DTWD2: variants seen among roughly 807,000 people sequenced by gnomAD.
DTWD2 encodes tRNA-uridine aminocarboxypropyltransferase 2.
In DTWD2, 39 loss-of-function variants were observed where a neutral mutation model predicts 31.8. That is an observed-to-expected ratio of 1.22 (90% CI 0.95 to 1.60). DTWD2 has a LOEUF of 1.60. Among genes scored for constraint, DTWD2 ranks in the 40% most tolerant of loss-of-function variants. The probability of loss-of-function intolerance (pLI) is 0.00; values close to 1 mark genes in which losing one functional copy is unlikely to be tolerated. For missense variants in DTWD2, 515 were observed against 381.5 expected, an observed-to-expected ratio of 1.35 and a Z score of -2.92; for synonymous variants, 180 against 142.8, an observed-to-expected ratio of 1.26 and a Z score of -1.86.
In DTWD2 at chr5:118,837,188, TGAAGA is replaced by T. The variant is rs956147217; in HGVS notation, c.*3724_*3728del. On this transcript the variant is annotated 3_prime_UTR_variant, in exon 6 of 6. Transcript: ENST00000510708. Reference sequence around the variant, plus strand: ...GACCCTGGGAAGGAGGAAGAAAGTGTGAAGAGAAAAGAGAGAGAATATGCTTTAAG... The same window carrying T: ...GACCCTGGGAAGGAGGAAGAAAGTGTGAAAAGAGAGAGAATATGCTTTAAG... The T allele has an allele frequency of 2.0e-5, 3 of 152,022 alleles. No homozygotes were observed. The highest frequency in any genetic ancestry group is 2.9e-5 in the Non-Finnish European group (2 of 68,000). The allele number at this position is 152,022 out of a possible 1,614,324, so 9.4% of individuals were successfully genotyped here.
intron 4 of DTWD2, among the ~76,000 whole-genome samples, chr5:118,901,342 A>G (rs987374063): frequency 1.3e-5 from 2 of 152,208 alleles, no homozygotes; most frequent in African/African-American, 4.8e-5. Context: ...AACAAACATA[A>G]TAAAAACAAT....
intron 4 of DTWD2, among the ~76,000 whole-genome samples, chr5:118,867,599 G>C (rs559123745): frequency 6.6e-6 from 1 of 152,150 alleles, no homozygotes; most frequent in Non-Finnish European, 1.5e-5. Context: ...TATTATGGAA[G>C]CATCTCAAAA....
At chr5:118,848,655 A>G (rs1751923519) in intron 4 of DTWD2, among the ~76,000 whole-genome samples, 1 of 152,228 alleles carries the variant, frequency 6.6e-6, no homozygotes, top group Non-Finnish European at 1.5e-5. Flanking sequence ...CCAAAATAGC[A>G]AGGTACTGGT....
chr5:118,852,555 G>C (rs554077849), intron 4 of DTWD2, among the ~76,000 whole-genome samples: 2 of 152,246 alleles, frequency 1.3e-5, no homozygotes, highest in African/African-American at 4.8e-5. Flanking sequence ...TTATTAAAAA[G>C]TCAAAAAATA....
chr5:118,865,045 A>G (rs1448223077), intron 4 of DTWD2, among the ~76,000 whole-genome samples: 4 of 152,144 alleles, frequency 2.6e-5, no homozygotes, highest in Non-Finnish European at 1.5e-5. Context: ...ACACACACAG[A>G]GCATATAATG....
At chr5:118,978,684 C>A (rs1201941239) in intron 1 of DTWD2, among the ~76,000 whole-genome samples, 1 of 152,216 alleles carries the variant, frequency 6.6e-6, no homozygotes, top group Non-Finnish European at 1.5e-5. Flanking sequence ...GATACCATCT[C>A]ATGCCAGTCA....
chr5:118,941,142 G>C (rs1754188122), intron 2 of DTWD2, among the ~76,000 whole-genome samples: 1 of 151,954 alleles, frequency 6.6e-6, no homozygotes, highest in African/African-American at 2.4e-5. Flanking sequence ...CTATGGGAGA[G>C]TCAAAAACTA....
intron 1 of DTWD2, among the ~76,000 whole-genome samples, chr5:118,986,923 A>C (rs1041904590): frequency 6.6e-6 from 1 of 152,242 alleles, no homozygotes; most frequent in African/African-American, 2.4e-5. Context: ...ATGTTGGGGA[A>C]AATTGTAATC....
At chr5:118,946,832 C>T (rs1039369852) in intron 1 of DTWD2, among the ~76,000 whole-genome samples, 1 of 152,118 alleles carries the variant, frequency 6.6e-6, no homozygotes, top group Non-Finnish European at 1.5e-5. Flanking sequence ...CCTCTGCCTC[C>T]CGGATTCAAT....
intron 1 of DTWD2, among the ~76,000 whole-genome samples, chr5:118,983,875 C>G (rs1036967217): frequency 3.3e-5 from 5 of 152,186 alleles, no homozygotes; most frequent in African/African-American, 1.2e-4. Flanking sequence ...AGTAGCTGGG[C>G]GCGGTGGCTC....
Position 118,840,682 on chromosome 5 carries a change from T to C in DTWD2, c.*235A>G. ...TTAAATTTGGGTTTGAAAACATGTA[T>C]TAGAGGCACATTTTTAAAAACAAGT... On this transcript the variant is annotated 3_prime_UTR_variant, in exon 6 of 6. Coordinates refer to ENST00000510708, the MANE Select transcript of DTWD2 (RefSeq NM_173666.4). 1 of 328,690 alleles carries C rather than the reference T, an allele frequency of 3.0e-6. No individual in the cohort carries two copies. The highest frequency in any genetic ancestry group is 4.9e-5 in the Admixed American group (1 of 20,442). 20.4% of individuals were successfully genotyped at this position (328,690 alleles called of 1,614,324 possible). A position where few individuals can be genotyped will look rare whatever the true frequency, so the allele number is the denominator to read the frequency against.
chr5:118,953,583 C>A (rs991767674), intron 1 of DTWD2, among the ~76,000 whole-genome samples: 2 of 152,114 alleles, frequency 1.3e-5, no homozygotes, highest in East Asian at 1.9e-4. Context: ...CTATAAAGAC[C>A]CTATGGGGAC....
At chr5:118,887,974 T>C (rs761915916) in intron 4 of DTWD2, among the ~76,000 whole-genome samples, 2 of 152,184 alleles carry the variant, frequency 1.3e-5, no homozygotes, top group Non-Finnish European at 2.9e-5. Context: ...CCTTACTCAC[T>C]GGACAATACC....
chr5:118,979,971 C>T (rs1755262859), intron 1 of DTWD2, among the ~76,000 whole-genome samples: 1 of 152,218 alleles, frequency 6.6e-6, no homozygotes, highest in Non-Finnish European at 1.5e-5. Flanking sequence ...AACAAACCTG[C>T]CCATCCTGCA....
chr5:118,923,977 TGC>T (rs1753758769), intron 4 of DTWD2, among the ~76,000 whole-genome samples: 2 of 152,222 alleles, frequency 1.3e-5, no homozygotes, highest in Non-Finnish European at 2.9e-5. Flanking sequence ...CTGTCATAAT[TGC>T]TGGGAAGACT....
chr5:118,916,113 T>C (rs1753570377), intron 4 of DTWD2, among the ~76,000 whole-genome samples: 2 of 152,222 alleles, frequency 1.3e-5, no homozygotes, highest in Non-Finnish European at 2.9e-5. Context: ...CTGGGCCAAC[T>C]GGAAGACAGA....
At chr5:118,956,117 A>G (rs972905881) in intron 1 of DTWD2, among the ~76,000 whole-genome samples, 9 of 152,356 alleles carry the variant, frequency 5.9e-5, no homozygotes, top group African/African-American at 2.2e-4. Context: ...TAAGGCAACA[A>G]GAGAGTTCTG....
In DTWD2 at chr5:118,880,626, C is replaced by T. The variant is rs754454144; in HGVS notation, c.598-32408G>A. 2.6e-5 allele frequency among the ~76,000 whole-genome samples: 4 copies of T among 152,098 alleles called. No individual in the cohort carries two copies. The South Asian group carries it at 8.3e-4, about 31-fold the overall frequency. ...ACTAAAATGCATTTAAATGGTGCTA[C>T]TCTTCATGTAAAGTGTATTCATTAT... On this transcript the variant is annotated intron_variant, in intron 4 of 5. Coordinates refer to ENST00000510708, the MANE Select transcript of DTWD2 (RefSeq NM_173666.4).
At chr5:118,936,629 A>T (rs1211309369) in intron 3 of DTWD2, among the ~76,000 whole-genome samples, 2 of 152,178 alleles carry the variant, frequency 1.3e-5, no homozygotes, top group East Asian at 3.9e-4. Context: ...ACATAGCAAG[A>T]CCCCATCTCA....
Sources: gnomAD v4.1 joint callset for allele counts (sites outside exome capture counted in the v4.1 genomes callset) on GRCh38, gnomAD v4.1.1 for gene constraint, MANE v1.5 for transcripts, NCBI Gene and HGNC (gene_info 2026-07-23, HGNC 2026-07-21) for gene names.